RIOX2: variants seen among roughly 807,000 people sequenced by gnomAD.
RIOX2 encodes the protein 60S ribosomal protein L27a histidine hydroxylase.
In RIOX2, 43 loss-of-function variants were observed where a neutral mutation model predicts 51.2. That is an observed-to-expected ratio of 0.84 (90% CI 0.66 to 1.08). The LOEUF (loss-of-function observed/expected upper bound fraction) is 1.08, where lower values mean the gene tolerates loss of function less well. Ranked by LOEUF, RIOX2 falls within the 50% of genes least tolerant of loss-of-function variation. The probability of loss-of-function intolerance (pLI) is 0.00; values close to 1 mark genes in which losing one functional copy is unlikely to be tolerated. For synonymous variants in RIOX2, 226 were observed against 218.5 expected, an observed-to-expected ratio of 1.03 and a Z score of -0.30; for missense variants, 566 against 561.7, an observed-to-expected ratio of 1.01 and a Z score of -0.08.
intron 8 of RIOX2, 88 bp from the exon 9 acceptor site, chr3:97,945,975 C>G: frequency 1.1e-6 from 1 of 882,754 alleles, no homozygotes; most frequent in Non-Finnish European, 1.8e-6. Flanking sequence ...AGGTCAACAC[C>G]AAAAAAAATT....
intron 4 of RIOX2, among the ~76,000 whole-genome samples, chr3:97,958,597 T>A (rs1394602216): frequency 2.6e-5 from 4 of 152,082 alleles, no homozygotes; most frequent in Non-Finnish European, 5.9e-5. Context: ...AGGATGAAAA[T>A]GAGTCACACT....
At position 97,959,183 on chromosome 3, in the gene RIOX2, G is replaced by C. The variant is rs775419808; in HGVS notation, c.553-4C>G. ...CCTCCAGCTGCAGGATGAAAACCTA[G>C]AGACCCACAAGGCCCAGGAGCATCA... On this transcript the variant is annotated splice_polypyrimidine_tract_variant and splice_region_variant and intron_variant, in intron 3 of 9. Transcript: ENST00000394198. 5 of 1,612,936 alleles carry C rather than the reference G, an allele frequency of 3.1e-6. No homozygotes were observed. The Middle Eastern group carries it at 8.3e-4, about 269-fold the overall frequency.
At chr3:97,950,107 C>T (rs540357362) in intron 6 of RIOX2, 92 bp from the exon 7 acceptor site, 42 of 1,235,400 alleles carry the variant, frequency 3.4e-5, no homozygotes, top group South Asian at 2.4e-4. Flanking sequence ...TGCCAGCCAC[C>T]GGGTATAGAC....
chr3:97,947,075 G>A (rs542941884), intron 8 of RIOX2, among the ~76,000 whole-genome samples: 1 of 152,232 alleles, frequency 6.6e-6, no homozygotes, highest in Non-Finnish European at 1.5e-5. Context: ...GAGGTCTGTG[G>A]CTGTCCAAGC....
Position 97,961,667 on chromosome 3 carries a change from A to G in RIOX2, c.474T>C (p.Phe158=), listed in dbSNP as rs1278012142. The G allele has an allele frequency of 6.2e-7, 1 of 1,612,498 alleles. No homozygotes were observed. The highest frequency in any genetic ancestry group is 8.5e-7 in the Non-Finnish European group (1 of 1,179,554). Reference sequence around the variant, plus strand: ...ACACATTCGAGCCAACCAAGGAGCCAAAGTAACATTCCAGCTTCTCCTGGA... The same window carrying G: ...ACACATTCGAGCCAACCAAGGAGCCGAAGTAACATTCCAGCTTCTCCTGGA... The part of the protein sequence containing the change: ...WRIQEKLECY[F]GSLVGSNVYI... Residue 158 remains phenylalanine (F), a synonymous_variant, in exon 3 of 10, where the codon TTT becomes TTC. Coordinates refer to ENST00000394198, the MANE Select transcript of RIOX2 (RefSeq NM_153182.4).
intron 5 of RIOX2, among the ~76,000 whole-genome samples, chr3:97,953,178 G>T (rs1460072563): frequency 1.3e-5 from 2 of 151,986 alleles, no homozygotes; most frequent in Non-Finnish European, 2.9e-5. Flanking sequence ...CTTCTCTAAT[G>T]CCCCTACTTA....
At chr3:97,950,439 C>T (rs1187092842) in intron 6 of RIOX2, among the ~76,000 whole-genome samples, 1 of 152,266 alleles carries the variant, frequency 6.6e-6, no homozygotes, top group East Asian at 1.9e-4. Context: ...ACGAATACAC[C>T]GAGGCCAGGA....
At chr3:97,959,250 A>G in intron 3 of RIOX2, 71 bp from the exon 4 acceptor site, 1 of 1,487,074 alleles carries the variant, frequency 6.7e-7, no homozygotes, top group Non-Finnish European at 9.0e-7. Context: ...CTTCCGGACT[A>G]TTAGCCCTCT....
At chr3:97,949,531 AT>A (rs1195521024) in intron 7 of RIOX2, among the ~76,000 whole-genome samples, 1 of 152,202 alleles carries the variant, frequency 6.6e-6, no homozygotes, top group African/African-American at 2.4e-5. Context: ...CAATGTTCAA[AT>A]TTTGAAAACT....
At chr3:97,961,479 C>G (rs1705670722) in intron 3 of RIOX2, 110 bp downstream of exon 3, 2 of 1,201,258 alleles carry the variant, frequency 1.7e-6, no homozygotes, top group Non-Finnish European at 2.3e-6. Context: ...AGAGCGAATA[C>G]AGACCTAAGA....
chr3:97,944,725 C>G lies in RIOX2; in HGVS notation c.*459G>C, dbSNP rs908488157. 5 of 152,264 alleles carry G rather than the reference C, an allele frequency of 3.3e-5. No individual in the cohort carries two copies. The highest frequency in any genetic ancestry group is 1.2e-4 in the African/African-American group (5 of 41,372). 9.4% of individuals were successfully genotyped at this position (152,264 alleles called of 1,614,324 possible). ...TAATAAAATTTATGTTACAGGATAA[C>G]TTTATTTTAATGGGCATGGGCTTGT... On this transcript the variant is annotated 3_prime_UTR_variant, in exon 10 of 10. Coordinates refer to ENST00000394198, the MANE Select transcript of RIOX2 (RefSeq NM_153182.4).
chr3:97,967,802 C>T (rs577563247), intron 1 of RIOX2, among the ~76,000 whole-genome samples, 170 bp from the exon 2 acceptor site: 1 of 152,300 alleles, frequency 6.6e-6, no homozygotes, highest in Admixed American at 6.5e-5. Context: ...AATGCCATTT[C>T]TTCTAAGATA....
Position 97,967,256 on chromosome 3 carries a change from A to G in RIOX2, c.338T>C (p.Leu113Ser), listed in dbSNP as rs1705925841. Residue 113 changes from leucine to serine, a missense_variant, in exon 2 of 10, where the codon TTA becomes TCA. Transcript: ENST00000394198. ...AAAGTGTGCTTTGCCATCTTTATTT[A>G]AAACCTTCTTCTTCCCATTGACACA... ...CRCVNGKKKV[L>S]NKDGKAHFLQ... The G allele has an allele frequency of 3.7e-6, 6 of 1,614,084 alleles. No individual in the cohort carries two copies. The highest frequency in any genetic ancestry group is 4.2e-6 in the Non-Finnish European group (5 of 1,180,050).
rs2040263569 is a variant in RIOX2, at chr3:97,942,906, G to C, written c.*2278C>G. 3.6e-6 allele frequency: 1 copy of C among 275,694 alleles called. No homozygotes were observed. The highest frequency in any genetic ancestry group is 6.5e-5 in the South Asian group (1 of 15,352). 17.1% of individuals were successfully genotyped at this position (275,694 alleles called of 1,614,324 possible). On this transcript the variant is annotated 3_prime_UTR_variant, in exon 10 of 10. Coordinates refer to ENST00000394198, the MANE Select transcript of RIOX2 (RefSeq NM_153182.4). ...AATTGGGTTAGTCACAGTTTTGTTG[G>C]TGTAGAAACAAAAACACAGTACCTG... is the stretch of plus-strand genomic sequence containing the variant.
At chr3:97,971,139 G>A (rs1706113611) in intron 1 of RIOX2, among the ~76,000 whole-genome samples, 1 of 152,202 alleles carries the variant, frequency 6.6e-6, no homozygotes, top group African/African-American at 2.4e-5. Flanking sequence ...CAAGAGTATC[G>A]TAAAAGCTAA....
At chr3:97,954,550 C>T in intron 4 of RIOX2, 55 bp from the exon 5 acceptor site, 1 of 1,421,436 alleles carries the variant, frequency 7.0e-7, no homozygotes. Flanking sequence ...CTTCTCAGTC[C>T]TCTTCATTTC....
rs1413843680 is a variant in RIOX2, at chr3:97,959,310, T to TC, written c.553-132_553-131insG. The TC allele has an allele frequency of 6.7e-6, 5 of 741,378 alleles. No individual in the cohort carries two copies. In the African/African-American group the frequency reaches 9.3e-5, roughly 14 times the overall value. 45.9% of individuals were successfully genotyped at this position (741,378 alleles called of 1,614,324 possible). On this transcript the variant is annotated intron_variant, in intron 3 of 9. Transcript: ENST00000394198. ...GGTGAACCTTGAACAACACAGGTTTTTTTTTTTTTTTTTTTTTTTTAGTTG... is the reference window on the plus strand; with the variant it reads ...GGTGAACCTTGAACAACACAGGTTTTCTTTTTTTTTTTTTTTTTTTTAGTTG...
At chr3:97,950,945 T>C (rs1452467165) in intron 5 of RIOX2, 57 bp from the exon 6 acceptor site, 3 of 1,206,184 alleles carry the variant, frequency 2.5e-6, no homozygotes, top group African/African-American at 1.5e-5. Flanking sequence ...ATACGAAATA[T>C]ACATAAAATA....
Position 97,949,942 on chromosome 3 carries a change from C to G in RIOX2, c.962G>C (p.Gly321Ala), listed in dbSNP as rs1705181234. The G allele has an allele frequency of 6.2e-7, 1 of 1,613,748 alleles. No homozygotes were observed. Residue 321 changes from glycine to alanine, a missense_variant, in exon 7 of 10, where the codon GGC (glycine) becomes GCC (alanine). By Grantham distance (60) the Gly-to-Ala change is moderately conservative. Coordinates refer to ENST00000394198, the MANE Select transcript of RIOX2 (RefSeq NM_153182.4). ...GTCTGAGGAAAGCAGTTCTTTGGTG[C>G]CCTCCAGCCGGTCTGCAAGTGTCCT... ...FLRTLADRLE[G>A]TKELLSSDMK...
Sources: gnomAD v4.1 joint callset for allele counts (sites outside exome capture counted in the v4.1 genomes callset) on GRCh38, gnomAD v4.1.1 for gene constraint, MANE v1.5 for transcripts, NCBI Gene and HGNC (gene_info 2026-07-23, HGNC 2026-07-21) for gene names.